Variants in ACTR3C observed in about 807,000 individuals in gnomAD.
ACTR3C encodes actin-related protein 3C.
A neutral mutation model predicts 26.3 loss-of-function variants in ACTR3C; 18 were observed. The ratio of observed to expected loss-of-function variants is 0.68; its 90% CI spans 0.47 to 1.01. The LOEUF (loss-of-function observed/expected upper bound fraction) is 1.01. Ranked by LOEUF, ACTR3C falls within the 50% of genes least tolerant of loss-of-function variation. The pLI is 0.00. For synonymous variants in ACTR3C, 55 were observed against 94.5 expected (o/e 0.58, Z 2.42); for missense variants, 184 against 250.7 (o/e 0.73, Z 1.80).
intron 6 of ACTR3C, among the ~76,000 whole-genome samples, chr7:150,254,349 T>A: frequency 6.6e-6 from 1 of 152,250 alleles, no homozygotes; most frequent in East Asian, 1.9e-4. Context: ...CTTATCATAA[T>A]GTTTGTAGTT....
At chr7:150,220,743 A>G in the ACTR3C span, among the ~76,000 whole-genome samples, 1 of 152,286 alleles carries the variant, frequency 6.6e-6, no homozygotes, top group Non-Finnish European at 1.5e-5. Context: ...AGTCGCGCGC[A>G]CTCACGCCCT....
chr7:150,008,999 C>T, the ACTR3C span, among the ~76,000 whole-genome samples: 23 of 152,370 alleles, frequency 1.5e-4, no homozygotes, highest in African/African-American at 4.3e-4. Context: ...TCAGGGAAGA[C>T]GGCAGGCATC....
At chr7:149,943,493 G>A in the ACTR3C span, among the ~76,000 whole-genome samples, 4 of 150,928 alleles carry the variant, frequency 2.7e-5, no homozygotes, top group African/African-American at 7.4e-5. Context: ...TTGGGAGGCC[G>A]AGGCGGGCAG....
the ACTR3C span, among the ~76,000 whole-genome samples, chr7:149,994,461 T>C: frequency 2.3e-4 from 35 of 151,814 alleles, no homozygotes; most frequent in Admixed American, 5.9e-4. Context: ...GCTGGGAGTA[T>C]TGGTGTGTGC....
chr7:149,900,110 C>T, the ACTR3C span, among the ~76,000 whole-genome samples: 1 of 149,446 alleles, frequency 6.7e-6, no homozygotes, highest in African/African-American at 2.5e-5. Flanking sequence ...AGCACACCTA[C>T]TTCAAAAGAA....
At chr7:150,037,122 C>G in the ACTR3C span, among the ~76,000 whole-genome samples, 1 of 83,670 alleles carries the variant, frequency 1.2e-5, no homozygotes, top group Non-Finnish European at 2.8e-5. Flanking sequence ...GGAAGAGGGA[C>G]TGGCTCTCAG....
At position 150,274,028 on chromosome 7, in the gene ACTR3C, G is replaced by A. The variant is rs1267995759; in HGVS notation, c.564+10725C>T. On this transcript the variant is annotated intron_variant, in intron 6 of 7. Transcript: ENST00000683684. This position sits in a 1 kb window ranked among gnomAD's most constrained non-coding sequence, Gnocchi z 4.1. ...ATGAATCTGACATATCAAAATGGTC[G>A]CCCTCTTGAGATGTGTTTCAGGTAG... Among the ~76,000 whole-genome samples, 9 of 151,824 alleles carry A rather than the reference G, an allele frequency of 5.9e-5. No homozygotes were observed. The highest frequency in any genetic ancestry group is 1.9e-4 in the African/African-American group (8 of 41,130).
intron 6 of ACTR3C, among the ~76,000 whole-genome samples, chr7:150,267,957 T>C (rs539396118): frequency 6.6e-6 from 1 of 152,334 alleles, no homozygotes; most frequent in African/African-American, 2.4e-5. Context: ...ACACTTACAA[T>C]GGTTCATTTG....
At chr7:150,220,251 G>A in the ACTR3C span, among the ~76,000 whole-genome samples, 1 of 148,338 alleles carries the variant, frequency 6.7e-6, no homozygotes, top group Non-Finnish European at 1.5e-5. Flanking sequence ...TTACCTTGTG[G>A]CCTTTCCCCG....
chr7:150,067,942 A>G, the ACTR3C span, among the ~76,000 whole-genome samples: 1 of 152,138 alleles, frequency 6.6e-6, no homozygotes, highest in Non-Finnish European at 1.5e-5. Context: ...GAACTCCTAG[A>G]ACAATCTGGT....
chr7:150,264,436 T>A (rs1281628433), intron 6 of ACTR3C: 1 of 396,280 alleles, frequency 2.5e-6, no homozygotes, highest in African/African-American at 2.2e-5. Context: ...CTGGAGAAGT[T>A]AGAAAACTCA....
chr7:149,897,467 A>T, the ACTR3C span, among the ~76,000 whole-genome samples: 1 of 152,254 alleles, frequency 6.6e-6, no homozygotes, highest in South Asian at 2.1e-4. Context: ...ATTTATATTA[A>T]AATTTGTTCC....
the ACTR3C span, among the ~76,000 whole-genome samples, chr7:150,185,767 G>T: frequency 2.0e-5 from 3 of 151,944 alleles, no homozygotes; most frequent in East Asian, 1.9e-4. Context: ...CACATGGACC[G>T]ATCTGGAAAG....
At chr7:149,923,208 T>C in the ACTR3C span, among the ~76,000 whole-genome samples, 2 of 121,574 alleles carry the variant, frequency 1.6e-5, no homozygotes, top group African/African-American at 2.7e-5. Flanking sequence ...AGATTATGTT[T>C]AAATACATAT....
chr7:149,991,314 G>T, the ACTR3C span, among the ~76,000 whole-genome samples: 4 of 152,186 alleles, frequency 2.6e-5, no homozygotes, highest in Non-Finnish European at 5.9e-5. Flanking sequence ...ATGAGATTTG[G>T]GTGGGCACAC....
At chr7:149,889,244 C>T in the ACTR3C span, among the ~76,000 whole-genome samples, 3 of 152,094 alleles carry the variant, frequency 2.0e-5, no homozygotes, top group Non-Finnish European at 4.4e-5. Context: ...AGATCATGCA[C>T]AGAAACAAAT....
At chr7:150,172,227 C>T in the ACTR3C span, among the ~76,000 whole-genome samples, 1 of 150,742 alleles carries the variant, frequency 6.6e-6, no homozygotes, top group South Asian at 2.1e-4. Context: ...CATTTTCACA[C>T]TGCTGATAAA....
At chr7:150,029,407 A>C in the ACTR3C span, among the ~76,000 whole-genome samples, 1,148 of 100,940 alleles carry the variant, frequency 0.011, 54 homozygotes, top group Admixed American at 0.047. Flanking sequence ...CAAAAACAAA[A>C]AAAAAAAAAA....
At chr7:150,292,624 C>A (rs565614861) in intron 3 of ACTR3C, among the ~76,000 whole-genome samples, 2 of 152,076 alleles carry the variant, frequency 1.3e-5, no homozygotes, top group African/African-American at 4.8e-5. Flanking sequence ...CCTCAGCCTC[C>A]CAGGTAGCTG....
Sources: allele counts gnomAD v4.1 joint callset (sites outside exome capture counted in the v4.1 genomes callset), GRCh38; gene constraint gnomAD v4.1.1; non-coding constraint Gnocchi (gnomAD v3.1); transcripts MANE v1.5; gene names NCBI Gene and HGNC (gene_info 2026-07-23, HGNC 2026-07-21).